The following WWOX variants were observed in gnomAD, a reference collection of about 807,000 sequenced individuals.
The protein encoded by WWOX is WW domain-containing oxidoreductase.
Under a neutral mutation model 46.2 loss-of-function variants are expected in WWOX, and 69 were observed. That is an observed-to-expected ratio of 1.49 (90% CI 1.23 to 1.82). The LOEUF (loss-of-function observed/expected upper bound fraction) is 1.82, where lower values mean the gene tolerates loss of function less well. Among genes scored for constraint, WWOX ranks in the 40% most tolerant of loss-of-function variants. The pLI, the probability that WWOX is intolerant of heterozygous loss-of-function variation, is 0.00. For missense variants in WWOX, 919 were observed against 542.6 expected (o/e 1.69, Z -6.89); for synonymous variants, 359 against 202.6 (o/e 1.77, Z -6.56).
chr16:79,033,372 A>C (rs890971767), intron 8 of WWOX, among the ~76,000 whole-genome samples: 1 of 148,930 alleles, frequency 6.7e-6, no homozygotes, highest in Non-Finnish European at 1.5e-5. Context: ...TATATAATAG[A>C]CTCTATAATA....
rs150207755 is a variant in WWOX, at chr16:78,371,957, G to A, written c.517-14903G>A. ...GCTTATGTAACAGTGCTTATTGGGC[G>A]CTCAGTTGAGGCTGGAAATAGACAT... On this transcript the variant is annotated intron_variant, in intron 5 of 8. Coordinates refer to ENST00000566780, the MANE Select transcript of WWOX (RefSeq NM_016373.4). Among the ~76,000 whole-genome samples the A allele has an allele frequency of 5.9e-3, 894 of 152,254 alleles. 5 individuals carry two copies. The highest frequency in any genetic ancestry group is 9.0e-3 in the Non-Finnish European group (615 of 68,018).
chr16:78,425,370 A>G (rs1005636831), intron 7 of WWOX, among the ~76,000 whole-genome samples: 2 of 152,204 alleles, frequency 1.3e-5, no homozygotes, highest in Admixed American at 1.3e-4. Context: ...TAATTCAACA[A>G]CTTCAACATC....
Position 78,648,279 on chromosome 16 carries a change from G to T in WWOX, c.1056+215527G>T, listed in dbSNP as rs183317328. On this transcript the variant is annotated intron_variant, in intron 8 of 8. Coordinates refer to ENST00000566780, the MANE Select transcript of WWOX (RefSeq NM_016373.4). ...TGAGGGGCTGGTTTTTAGATAGTCT[G>T]GAGGCCCTCTGAGAATGCGAGGCCC... 2.0e-5 allele frequency among the ~76,000 whole-genome samples: 3 copies of T among 152,302 alleles called. No homozygotes were observed. In the East Asian group the frequency reaches 5.8e-4, roughly 29 times the overall value.
At chr16:78,605,844 T>A (rs1355248415) in intron 8 of WWOX, among the ~76,000 whole-genome samples, 2 of 152,128 alleles carry the variant, frequency 1.3e-5, no homozygotes, top group Non-Finnish European at 2.9e-5. Context: ...TGTGTGTGTG[T>A]GTTGTTCTTT....
chr16:79,121,219 G>A (rs2049624452), intron 8 of WWOX, among the ~76,000 whole-genome samples: 2 of 152,160 alleles, frequency 1.3e-5, no homozygotes, highest in South Asian at 4.1e-4. Flanking sequence ...AGTTGACATG[G>A]GTATCCTCTG....
intron 8 of WWOX, among the ~76,000 whole-genome samples, chr16:79,178,440 C>A (rs1352503548): frequency 1.3e-5 from 2 of 152,056 alleles, no homozygotes; most frequent in Admixed American, 6.5e-5. Context: ...CCTTAGCCAC[C>A]CGAGTAGCTG....
chr16:78,400,188 T>C (rs1318581904), intron 6 of WWOX, among the ~76,000 whole-genome samples: 1 of 152,164 alleles, frequency 6.6e-6, no homozygotes, highest in Non-Finnish European at 1.5e-5. Context: ...CAAAAAGATA[T>C]TTGAGCTGAT....
chr16:79,101,569 C>G (rs74034951), intron 8 of WWOX: 11 of 152,238 alleles, frequency 7.2e-5, no homozygotes, highest in African/African-American at 2.2e-4. Context: ...TGCTTCTTAT[C>G]TAGCATCCCT....
At chr16:78,644,828 C>T (rs571805991) in intron 8 of WWOX, among the ~76,000 whole-genome samples, 1 of 152,228 alleles carries the variant, frequency 6.6e-6, no homozygotes, top group South Asian at 2.1e-4. Context: ...CTTAAGAATA[C>T]ACTAGTAGGT....
At chr16:78,361,971 C>CTTTTTTTTTTTT (rs56026502) in intron 5 of WWOX, among the ~76,000 whole-genome samples, 3 of 138,554 alleles carry the variant, frequency 2.2e-5, no homozygotes, top group Non-Finnish European at 1.5e-5. Context: ...CAGGTATTTC[C>CTTTTTTTTTTTT]TTTTTTTTTT....
chr16:78,679,897 C>G (rs950688655), intron 8 of WWOX, among the ~76,000 whole-genome samples: 2 of 152,168 alleles, frequency 1.3e-5, no homozygotes, highest in Non-Finnish European at 2.9e-5. Context: ...GCAGCAGCTT[C>G]CCAGACACTC....
chr16:79,027,411 G>C (rs2047667718), intron 8 of WWOX, among the ~76,000 whole-genome samples: 1 of 151,554 alleles, frequency 6.6e-6, no homozygotes, highest in South Asian at 2.1e-4. Flanking sequence ...AGGCCATTTT[G>C]TGTAAGCTAT....
intron 8 of WWOX, among the ~76,000 whole-genome samples, chr16:78,934,086 A>C (rs991927439): frequency 3.9e-5 from 6 of 151,960 alleles, no homozygotes; most frequent in African/African-American, 1.5e-4. Context: ...TGGTAATCCC[A>C]GCACTTTCGG....
chr16:78,321,970 A>G (rs1362928989), intron 5 of WWOX, among the ~76,000 whole-genome samples: 7 of 152,230 alleles, frequency 4.6e-5, no homozygotes, highest in African/African-American at 1.7e-4. Flanking sequence ...AGACCTGCAG[A>G]GACAGGTTGT....
intron 8 of WWOX, among the ~76,000 whole-genome samples, chr16:79,134,779 A>C (rs2049951281): frequency 6.6e-6 from 1 of 152,188 alleles, no homozygotes; most frequent in South Asian, 2.1e-4. Flanking sequence ...TTAGAAATCC[A>C]CCCAGGGATG....
intron 8 of WWOX, among the ~76,000 whole-genome samples, chr16:78,497,494 T>G (rs2738730): frequency 0.77 from 117,115 of 152,118 alleles, 46,853 homozygotes; most frequent in Admixed American, 0.87. Flanking sequence ...AAAAATTTCT[T>G]TACAGAAAGG....
At chr16:78,987,331 C>T (rs551449520) in intron 8 of WWOX, among the ~76,000 whole-genome samples, 1 of 152,178 alleles carries the variant, frequency 6.6e-6, no homozygotes, top group South Asian at 2.1e-4. Context: ...TCTTTTTGTA[C>T]CTTGTATCGG....
At chr16:78,259,454 C>G (rs1199666121) in intron 5 of WWOX, among the ~76,000 whole-genome samples, 3 of 144,724 alleles carry the variant, frequency 2.1e-5, no homozygotes, top group African/African-American at 7.8e-5. Flanking sequence ...AGTCTGCCGA[C>G]TAGCTGGGAC....
In WWOX at chr16:78,281,483, C is replaced by T. The variant is rs76312936; in HGVS notation, c.517-105377C>T. The stretch of plus-strand genomic sequence containing the variant: ...CTAGCTTAAGAGGAAAGGGTCATTA[C>T]TGGCTGACAAAATGCGAAGTTTTGT... On this transcript the variant is annotated intron_variant, in intron 5 of 8. Transcript: ENST00000566780. 3.5e-3 allele frequency among the ~76,000 whole-genome samples: 532 copies of T among 152,290 alleles called. 6 individuals are homozygous for T. Among genetic ancestry groups the T allele is most frequent in the African/African-American group, 0.012 (513 of 41,556 alleles).
Sources: allele counts gnomAD v4.1 joint callset (sites outside exome capture counted in the v4.1 genomes callset), GRCh38; gene constraint gnomAD v4.1.1; transcripts MANE v1.5; gene names NCBI Gene and HGNC (gene_info 2026-07-23, HGNC 2026-07-21).